The following PRUNE2 variants were observed in gnomAD, a reference collection of about 807,000 sequenced individuals.
PRUNE2 encodes prune homolog 2 with BCH domain.
PRUNE2 carries 164 observed loss-of-function variants against 252.0 expected under a neutral mutation model. That is an observed-to-expected ratio of 0.65 (90% CI 0.57 to 0.74). The LOEUF (loss-of-function observed/expected upper bound fraction) is 0.74, where lower values mean the gene tolerates loss of function less well. Ranked by LOEUF, PRUNE2 falls within the 30% of genes least tolerant of loss-of-function variation. The pLI is 0.00. For missense variants in PRUNE2, 3,495 were observed against 3,711.0 expected, an observed-to-expected ratio of 0.94 and a Z score of 1.51; for synonymous variants, 1,292 against 1,350.2, an observed-to-expected ratio of 0.96 and a Z score of 0.94.
At chr9:76,624,137 A>G (rs115888281) in intron 17 of PRUNE2, among the ~76,000 whole-genome samples, 3,337 of 152,246 alleles carry the variant, frequency 0.022, 117 homozygotes, top group African/African-American at 0.076. Flanking sequence ...TCAATACCTA[A>G]TGATCATCTC....
At chr9:76,748,515 TAATGGGTTTTGGGGGTAATAA>T (rs934700638) in intron 6 of PRUNE2, 1 of 152,234 alleles carries the variant, frequency 6.6e-6, no homozygotes, top group African/African-American at 2.4e-5. Context: ...GAGTGACTGT[TAATGGGTTTTGGGGGTAATAA>T]AATGTTTTAA....
intron 4 of PRUNE2, among the ~76,000 whole-genome samples, chr9:76,837,176 G>A (rs1337354808): frequency 2.6e-5 from 4 of 152,256 alleles, no homozygotes; most frequent in African/African-American, 9.6e-5. Flanking sequence ...GGGCACAGTG[G>A]CTCTCTGCTG....
chr9:76,869,083 T>C lies in PRUNE2; in HGVS notation c.37-14875A>G, dbSNP rs1415176837. The C allele has an allele frequency of 2.0e-5, 3 of 152,366 alleles. No individual in the cohort carries two copies. The East Asian group carries it at 5.8e-4, about 29-fold the overall frequency. The allele number at this position is 152,366 out of a possible 1,614,324, so 9.4% of individuals were successfully genotyped here. A position where few individuals can be genotyped will look rare whatever the true frequency, so the allele number is the denominator to read the frequency against. Reference sequence around the variant, plus strand: ...CAAGCCAAGACGCGCTCGAAGACTTTTCCCAGAAGCTTTGCTTTTCTGCAG... The same window carrying C: ...CAAGCCAAGACGCGCTCGAAGACTTCTCCCAGAAGCTTTGCTTTTCTGCAG... On this transcript the variant is annotated intron_variant, in intron 1 of 18. Coordinates refer to ENST00000376718, the MANE Select transcript of PRUNE2 (RefSeq NM_015225.3).
chr9:76,678,171 G>A (rs2042939485), intron 9 of PRUNE2, among the ~76,000 whole-genome samples: 1 of 151,810 alleles, frequency 6.6e-6, no homozygotes, highest in Admixed American at 6.6e-5. Context: ...GGCCAACACG[G>A]CAAAACCCCG....
chr9:76,771,524 C>T (rs571976966), intron 6 of PRUNE2, among the ~76,000 whole-genome samples: 5 of 152,220 alleles, frequency 3.3e-5, no homozygotes, highest in African/African-American at 7.2e-5. Context: ...AGGAAGACTA[C>T]GGTGAGTCGG....
chr9:76,712,820 C>CT (rs2046840457), intron 7 of PRUNE2, among the ~76,000 whole-genome samples: 1 of 152,058 alleles, frequency 6.6e-6, no homozygotes, highest in East Asian at 1.9e-4. Flanking sequence ...TACCCATAGG[C>CT]ATGGGTCAAG....
At chr9:76,824,227 G>C (rs2058212731) in intron 5 of PRUNE2, among the ~76,000 whole-genome samples, 1 of 152,154 alleles carries the variant, frequency 6.6e-6, no homozygotes, top group African/African-American at 2.4e-5. Context: ...GAGCCCATAA[G>C]ATTAAATACT....
At position 76,614,595 on chromosome 9, in the gene PRUNE2, T is replaced by A. The variant is rs200589280; in HGVS notation, c.9242A>T (p.Asp3081Val). The A allele has an allele frequency of 1.9e-4, 306 of 1,611,230 alleles. 4 individuals are homozygous for A. The East Asian group carries it at 6.7e-3, about 35-fold the overall frequency. The change falls in exon 19 of 19, where the codon GAC becomes GTC. Residue 3081 changes from aspartate (D) to valine (V), a missense_variant. By Grantham distance (152) the Asp-to-Val change is radical. Transcript: ENST00000376718. ...PEMSSMEKDIDLKLKEKP is the reference protein window; with the variant it reads ...PEMSSMEKDIVLKLKEKP Reference sequence around the variant, plus strand: ...CTAAGGCTTTTCTTTCAGCTTCAAGTCAATACTGCAAAGAAAAGAAAAAGA... The same window carrying A: ...CTAAGGCTTTTCTTTCAGCTTCAAGACAATACTGCAAAGAAAAGAAAAAGA...
chr9:76,717,494 G>T (rs1244580542), intron 6 of PRUNE2, among the ~76,000 whole-genome samples: 1 of 151,994 alleles, frequency 6.6e-6, no homozygotes, highest in African/African-American at 2.4e-5. Context: ...CCCCCCATCT[G>T]CCTTCTACCT....
intron 12 of PRUNE2, chr9:76,641,878 G>A (rs1418604282): frequency 1.3e-5 from 19 of 1,440,336 alleles, no homozygotes; most frequent in Middle Eastern, 1.8e-4. Flanking sequence ...TGTCACAGTC[G>A]CAACCAAAAC....
At chr9:76,698,480 C>G (rs1434506872) in intron 9 of PRUNE2, among the ~76,000 whole-genome samples, 1 of 152,100 alleles carries the variant, frequency 6.6e-6, no homozygotes, top group African/African-American at 2.4e-5. Context: ...AGGGCAAAGC[C>G]CAAAAATGGT....
intron 12 of PRUNE2, among the ~76,000 whole-genome samples, chr9:76,639,823 T>G (rs934403261): frequency 2.0e-5 from 3 of 152,172 alleles, no homozygotes; most frequent in African/African-American, 7.2e-5. Context: ...GTGTGGCCAT[T>G]GAAACTCCGG....
chr9:76,632,462 T>C (rs375790785), intron 15 of PRUNE2, among the ~76,000 whole-genome samples: 3 of 152,316 alleles, frequency 2.0e-5, no homozygotes, highest in South Asian at 2.1e-4. Flanking sequence ...GGGCAGACAA[T>C]TGGTTTCAAA....
At chr9:76,827,345 C>T (rs902264084) in intron 4 of PRUNE2, among the ~76,000 whole-genome samples, 2 of 152,178 alleles carry the variant, frequency 1.3e-5, no homozygotes, top group Admixed American at 6.5e-5. Context: ...GTCTAAATCA[C>T]AGGTTTAAAT....
At chr9:76,766,629 G>A (rs58172465) in intron 6 of PRUNE2, among the ~76,000 whole-genome samples, 12,227 of 151,820 alleles carry the variant, frequency 0.081, 1,060 homozygotes, top group African/African-American at 0.21. Flanking sequence ...TACCTCCCTC[G>A]TTTCATCCTG....
In PRUNE2 at chr9:76,722,610, G is replaced by A. The variant is rs185122449; in HGVS notation, c.757-8889C>T. Among the ~76,000 whole-genome samples the A allele has an allele frequency of 1.7e-3, 253 of 152,164 alleles. 2 individuals are homozygous for A. Among genetic ancestry groups the A allele is most frequent in the Non-Finnish European group, 2.1e-3 (144 of 68,022 alleles). On this transcript the variant is annotated intron_variant, in intron 6 of 18. Coordinates refer to ENST00000376718, the MANE Select transcript of PRUNE2 (RefSeq NM_015225.3). ...AAATGCCAATATAATCTTCATTTAC[G>A]TCAATAGTATATTGCCTGACATAAT...
chr9:76,905,918 C>G lies in PRUNE2; in HGVS notation c.36+10G>C. 1 of 1,614,220 alleles carries G rather than the reference C, an allele frequency of 6.2e-7. No individual in the cohort carries two copies. On this transcript the variant is annotated intron_variant, in intron 1 of 18. Coordinates refer to ENST00000376718, the MANE Select transcript of PRUNE2 (RefSeq NM_015225.3). ...GCGCGCACACACACAGCTTTGCTCA[C>G]TCAACTTACCAGTTTAGATTTGGCG...
chr9:76,779,736 A>G (rs1320181818), intron 6 of PRUNE2: 1 of 152,244 alleles, frequency 6.6e-6, no homozygotes, highest in South Asian at 2.1e-4. Flanking sequence ...CAGTTCATCA[A>G]CTTCTCAGCA....
Position 76,670,379 on chromosome 9 carries a change from C to G in PRUNE2, c.8277-14877G>C, listed in dbSNP as rs563219836. ...AACGGCACACCACGAGATTATATCC[C>G]GCACCTGGCTCGGAGGGTCCTACAC... is the stretch of plus-strand genomic sequence containing the variant. On this transcript the variant is annotated intron_variant, in intron 9 of 18. Coordinates refer to ENST00000376718, the MANE Select transcript of PRUNE2 (RefSeq NM_015225.3). Among the ~76,000 whole-genome samples the G allele has an allele frequency of 5.2e-3, 798 of 152,104 alleles. 3 individuals carry two copies. Among genetic ancestry groups the G allele is most frequent in the African/African-American group, 0.013 (527 of 41,488 alleles).
Sources: allele counts gnomAD v4.1 joint callset (sites outside exome capture counted in the v4.1 genomes callset), GRCh38; gene constraint gnomAD v4.1.1; transcripts MANE v1.5; gene names NCBI Gene and HGNC (gene_info 2026-07-23, HGNC 2026-07-21).